The following LTBP1 variants were observed in gnomAD, a reference collection of about 807,000 sequenced individuals.
LTBP1 encodes the protein latent transforming growth factor beta binding protein 1, also known as latent-transforming growth factor beta-binding protein 1.
A neutral mutation model predicts 207.6 loss-of-function variants in LTBP1; 129 were observed. The observed-to-expected ratio is 0.62, with a 90% CI of 0.54 to 0.72. LTBP1 has a LOEUF of 0.72. Ranked by LOEUF, LTBP1 falls within the 30% of genes least tolerant of loss-of-function variation. The probability of loss-of-function intolerance (pLI) is 0.00; values close to 1 mark genes in which losing one functional copy is unlikely to be tolerated. For synonymous variants in LTBP1, 963 were observed against 833.7 expected (o/e 1.16, Z -2.67); for missense variants, 2,281 against 2,217.2 (o/e 1.03, Z -0.58).
Position 32,956,117 on chromosome 2 carries a change from G to C in LTBP1, c.565+7172G>C, listed in dbSNP as rs150317863. On this transcript the variant is annotated intron_variant, in intron 2 of 33. Transcript: ENST00000404816. ...GAATGATCAAGTCAGCCTTGAGTGAGTCATTATCTTTTTGCTAGTGGAAGG... is the reference window on the plus strand; with the variant it reads ...GAATGATCAAGTCAGCCTTGAGTGACTCATTATCTTTTTGCTAGTGGAAGG... Among the ~76,000 whole-genome samples the C allele has an allele frequency of 3.7e-3, 566 of 152,284 alleles. 3 individuals carry two copies. The highest frequency in any genetic ancestry group is 0.013 in the African/African-American group (550 of 41,550).
intron 2 of LTBP1, among the ~76,000 whole-genome samples, chr2:32,995,151 T>C (rs1310623093): frequency 6.6e-6 from 1 of 151,414 alleles, no homozygotes; most frequent in Admixed American, 6.6e-5. Flanking sequence ...ACCATTGCAC[T>C]CCAGCCTGGC....
intron 5 of LTBP1, among the ~76,000 whole-genome samples, chr2:33,142,661 A>G (rs1271853323): frequency 1.3e-5 from 2 of 152,078 alleles, no homozygotes; most frequent in Non-Finnish European, 2.9e-5. Flanking sequence ...CGGGGGGCAG[A>G]GTGGTTGTAT....
intron 4 of LTBP1, among the ~76,000 whole-genome samples, chr2:33,112,732 G>T (rs1478328449): frequency 6.6e-6 from 1 of 152,276 alleles, no homozygotes; most frequent in Non-Finnish European, 1.5e-5. Context: ...CACAAAAGAT[G>T]ATTAAAACTG....
At chr2:33,273,251 C>G (rs1397866891) in intron 15 of LTBP1, among the ~76,000 whole-genome samples, 2 of 151,972 alleles carry the variant, frequency 1.3e-5, no homozygotes, top group Non-Finnish European at 2.9e-5. Context: ...TGTTTCTTAT[C>G]AATAGATAAG....
Position 33,186,961 on chromosome 2 carries a change from G to T in LTBP1, c.1307G>T (p.Gly436Val). Residue 436 changes from glycine (G) to valine (V), a missense_variant, in exon 6 of 34, where the codon GGT (glycine) becomes GTT (valine). Physicochemically the swap from Gly to Val is moderately radical, Grantham distance 109. Transcript: ENST00000404816. Reference sequence around the variant, plus strand: ...AAACTTTGTCAGATCCCAGTCCATGGTGCCAGCGTGCCTAAACTTTATCAG... The same window carrying T: ...AAACTTTGTCAGATCCCAGTCCATGTTGCCAGCGTGCCTAAACTTTATCAG... The part of the protein sequence containing the change: ...TGKLCQIPVH[G>V]ASVPKLYQHS... 6.2e-7 allele frequency: 1 copy of T among 1,614,202 alleles called. No homozygotes were observed. The highest frequency in any genetic ancestry group is 8.5e-7 in the Non-Finnish European group (1 of 1,180,026).
chr2:33,148,802 C>T (rs1268900777), intron 5 of LTBP1, among the ~76,000 whole-genome samples: 1 of 152,174 alleles, frequency 6.6e-6, no homozygotes, highest in Non-Finnish European at 1.5e-5. Context: ...TTTGCACCCC[C>T]ACCTAAGAGA....
intron 2 of LTBP1, among the ~76,000 whole-genome samples, chr2:33,008,787 C>A (rs1687279969): frequency 6.6e-6 from 1 of 152,154 alleles, no homozygotes; most frequent in African/African-American, 2.4e-5. Flanking sequence ...AGGATAGAGG[C>A]ACAAGGGCTG....
Position 33,279,911 on chromosome 2 carries a change from A to G in LTBP1, c.2993-128A>G, listed in dbSNP as rs112751709. The stretch of plus-strand genomic sequence containing the variant: ...TAAGTATAGACCCAATGTCTCACTT[A>G]CCCAATTATTGTTTTTCCCACTGAA... On this transcript the variant is annotated intron_variant, in intron 18 of 33. Coordinates refer to ENST00000404816, the MANE Select transcript of LTBP1 (RefSeq NM_206943.4). The G allele has an allele frequency of 1.6e-5, 14 of 900,446 alleles. 1 individual carries two copies. Among genetic ancestry groups the G allele is most frequent in the African/African-American group, 1.5e-4 (9 of 60,568 alleles). 55.8% of individuals were successfully genotyped at this position (900,446 alleles called of 1,614,324 possible).
intron 31 of LTBP1, among the ~76,000 whole-genome samples, chr2:33,369,214 G>A (rs75345287): frequency 0.026 from 3,882 of 152,036 alleles, 63 homozygotes; most frequent in South Asian, 0.049. Context: ...AAAAAGATTA[G>A]CTTCATTGCT....
chr2:32,975,384 CAG>C (rs1259922637), intron 2 of LTBP1, among the ~76,000 whole-genome samples: 4 of 151,980 alleles, frequency 2.6e-5, no homozygotes, highest in South Asian at 2.1e-4. Context: ...TAGTATCTAA[CAG>C]GGGTTCTATG....
At chr2:33,253,819 T>C (rs1017825929) in intron 11 of LTBP1, among the ~76,000 whole-genome samples, 3 of 151,978 alleles carry the variant, frequency 2.0e-5, no homozygotes, top group African/African-American at 7.3e-5. Context: ...GACTAGATAA[T>C]TTTAGGCCTC....
chr2:33,193,232 C>G (rs185256606), intron 7 of LTBP1, among the ~76,000 whole-genome samples: 5 of 152,274 alleles, frequency 3.3e-5, no homozygotes, highest in Non-Finnish European at 5.9e-5. Flanking sequence ...ACCTCTGCCT[C>G]CCTGGTTCAA....
intron 3 of LTBP1, among the ~76,000 whole-genome samples, chr2:33,067,583 C>G (rs2077577064): frequency 6.6e-6 from 1 of 152,174 alleles, no homozygotes; most frequent in South Asian, 2.1e-4. Context: ...ACTGAACATT[C>G]ACAGACACTT....
chr2:33,398,409 A>G lies in LTBP1; in HGVS notation c.5030A>G (p.Lys1677Arg), dbSNP rs753994052. 2 of 1,614,156 alleles carry G rather than the reference A, an allele frequency of 1.2e-6. No homozygotes were observed. The highest frequency in any genetic ancestry group is 2.2e-5 in the South Asian group (2 of 91,070). ...DELNNRMSLC[K>R]NAKCINTDGS... is the part of the protein sequence containing the mutation. ...TTGAACAACCGGATGTCTCTCTGCA[A>G]GAATGCCAAGTGCATTAACACCGAT... Residue 1677 changes from lysine to arginine, a missense_variant, in exon 34 of 34, where the codon AAG becomes AGG. Physicochemically the swap from Lys to Arg is conservative, Grantham distance 26 (BLOSUM62 2). This residue lies in a region of LTBP1 where 1,671 missense variants were observed against 1,634.8 expected (regional missense o/e 1.02). Transcript: ENST00000404816.
chr2:33,275,256 T>C (rs2148411825), intron 17 of LTBP1, among the ~76,000 whole-genome samples, 166 bp downstream of exon 17: 2 of 152,342 alleles, frequency 1.3e-5, no homozygotes, highest in Middle Eastern at 6.8e-3. Context: ...TGGATTTTTT[T>C]CCCCTAACAT....
chr2:33,262,587 G>T, intron 13 of LTBP1, 135 bp from the exon 14 acceptor site: 1 of 349,440 alleles, frequency 2.9e-6, no homozygotes, highest in Non-Finnish European at 5.1e-6. Flanking sequence ...ATACATGTAA[G>T]GTCCTATGAT....
intron 18 of LTBP1, among the ~76,000 whole-genome samples, chr2:33,276,867 A>T (rs2093436371): frequency 1.3e-5 from 2 of 152,232 alleles, no homozygotes; most frequent in Admixed American, 1.3e-4. Flanking sequence ...ACAAAGCAAA[A>T]CAAAACAAAA....
At chr2:33,271,969 TC>T (rs2093331266) in intron 15 of LTBP1, among the ~76,000 whole-genome samples, 1 of 152,230 alleles carries the variant, frequency 6.6e-6, no homozygotes, top group Non-Finnish European at 1.5e-5. Context: ...AAATGTATCT[TC>T]CTGAAAGTGA....
intron 2 of LTBP1, among the ~76,000 whole-genome samples, chr2:32,984,856 A>G (rs1300794062): frequency 6.6e-6 from 1 of 152,122 alleles, no homozygotes; most frequent in African/African-American, 2.4e-5. Context: ...GCTTGAACCC[A>G]GGAGGCGGAG....
Sources: gnomAD v4.1 joint callset for allele counts (sites outside exome capture counted in the v4.1 genomes callset) on GRCh38, gnomAD v4.1.1 for gene constraint, gnomAD v4.1.1 regional missense constraint, MANE v1.5 for transcripts, NCBI Gene and HGNC (gene_info 2026-07-23, HGNC 2026-07-21) for gene names.